The following ZFHX3 variants were observed in gnomAD, a reference collection of about 807,000 sequenced individuals.
ZFHX3 encodes zinc finger homeobox protein 3.
A neutral mutation model predicts 279.1 loss-of-function variants in ZFHX3; 42 were observed. The observed-to-expected ratio is 0.15, with a 90% CI of 0.12 to 0.19. The LOEUF is 0.19. ZFHX3 is among the 10% of genes least tolerant of loss of function. ZFHX3 has a pLI of 1.00. For missense variants in ZFHX3, 4,981 were observed against 4,754.0 expected (o/e 1.05, Z -1.40); for synonymous variants, 2,293 against 1,957.8 (o/e 1.17, Z -4.52).
At chr16:73,626,244 T>G (rs2052415374) in intron 2 of ZFHX3, among the ~76,000 whole-genome samples, 1 of 152,180 alleles carries the variant, frequency 6.6e-6, no homozygotes, top group Non-Finnish European at 1.5e-5. Flanking sequence ...CACTTTGTCT[T>G]GGGCAGGGAC....
chr16:73,176,235 A>C (rs574820992), intron 5 of ZFHX3, among the ~76,000 whole-genome samples: 2 of 152,178 alleles, frequency 1.3e-5, no homozygotes, highest in East Asian at 3.9e-4. Flanking sequence ...ATGACTAATG[A>C]CTCCTCATCT....
At chr16:73,065,810 A>T (rs1267320739) in intron 8 of ZFHX3, among the ~76,000 whole-genome samples, 1 of 152,226 alleles carries the variant, frequency 6.6e-6, no homozygotes, top group East Asian at 1.9e-4. Flanking sequence ...TTGAAAAAAA[A>T]TTCCAAAGAC....
upstream of ZFHX3, among the ~76,000 whole-genome samples, chr16:73,062,879 TG>T (rs1299883239): frequency 1.3e-5 from 2 of 152,242 alleles, no homozygotes; most frequent in African/African-American, 4.8e-5. Context: ...CTAAGTCTAT[TG>T]TATGTACGTG....
intron 2 of ZFHX3, among the ~76,000 whole-genome samples, chr16:73,645,273 T>G (rs2052608008): frequency 6.6e-6 from 1 of 152,228 alleles, no homozygotes; most frequent in South Asian, 2.1e-4. Context: ...TTATTTTTAT[T>G]GAGACGGAGT....
intron 7 of ZFHX3, among the ~76,000 whole-genome samples, chr16:72,811,318 G>C (rs1331938625): frequency 6.6e-6 from 1 of 152,176 alleles, no homozygotes; most frequent in Non-Finnish European, 1.5e-5. Flanking sequence ...TAAATGGTTA[G>C]CTAATCCATG....
chr16:73,509,765 G>T (rs57629363), intron 2 of ZFHX3, among the ~76,000 whole-genome samples: 43,490 of 144,410 alleles, frequency 0.3, 6,781 homozygotes, highest in Admixed American at 0.37. Context: ...GCGTGATCTC[G>T]GCTCACTGCA....
chr16:73,183,715 T>C (rs944268772), intron 5 of ZFHX3, among the ~76,000 whole-genome samples: 1 of 152,220 alleles, frequency 6.6e-6, no homozygotes, highest in African/African-American at 2.4e-5. Flanking sequence ...CTGACTGCTC[T>C]GCCCTCTGTG....
At chr16:73,024,156 C>G (rs1303201204) in intron 1 of ZFHX3, among the ~76,000 whole-genome samples, 1 of 152,180 alleles carries the variant, frequency 6.6e-6, no homozygotes, top group Non-Finnish European at 1.5e-5. Flanking sequence ...CCCCTCATCT[C>G]ACATCCACAC....
At chr16:73,522,004 C>G (rs142098004) in intron 2 of ZFHX3, among the ~76,000 whole-genome samples, 182 of 152,294 alleles carry the variant, frequency 1.2e-3, no homozygotes, top group Non-Finnish European at 5.0e-4. Context: ...AGCAAGTTTG[C>G]ATGGCAGCCT....
chr16:73,068,370 G>A (rs1201697504), intron 8 of ZFHX3, among the ~76,000 whole-genome samples: 1 of 152,212 alleles, frequency 6.6e-6, no homozygotes, highest in African/African-American at 2.4e-5. Flanking sequence ...ATTCCCGGAA[G>A]GGTGCTCTGG....
At chr16:73,381,845 G>C (rs2016822954) in intron 3 of ZFHX3, among the ~76,000 whole-genome samples, 1 of 152,164 alleles carries the variant, frequency 6.6e-6, no homozygotes, top group African/African-American at 2.4e-5. Flanking sequence ...TTTGTGACAG[G>C]CCGCATTCAA....
chr16:73,890,239 CCAA>C (rs1187299551), intron 1 of ZFHX3, among the ~76,000 whole-genome samples: 56 of 91,134 alleles, frequency 6.1e-4, no homozygotes, highest in African/African-American at 1.6e-3. Context: ...AAAAAAAAAA[CCAA>C]AAAAAAAAAA....
At chr16:73,016,611 T>C (rs774121566) in intron 1 of ZFHX3, among the ~76,000 whole-genome samples, 13 of 152,146 alleles carry the variant, frequency 8.5e-5, no homozygotes, top group Non-Finnish European at 1.5e-4. Flanking sequence ...ACCCCAGAAA[T>C]AGAATCCTGT....
intron 1 of ZFHX3, among the ~76,000 whole-genome samples, chr16:72,975,584 T>C (rs1962314814): frequency 6.6e-6 from 1 of 152,226 alleles, no homozygotes; most frequent in Non-Finnish European, 1.5e-5. Context: ...TTTGCACTGT[T>C]ACTTTTAATC....
At chr16:73,879,920 A>G (rs934101529) in intron 1 of ZFHX3, among the ~76,000 whole-genome samples, 1 of 152,154 alleles carries the variant, frequency 6.6e-6, no homozygotes, top group African/African-American at 2.4e-5. Flanking sequence ...CACCCTACTG[A>G]TAACAACTGT....
intron 3 of ZFHX3, among the ~76,000 whole-genome samples, chr16:72,904,031 C>T (rs1366632207): frequency 6.6e-6 from 1 of 152,172 alleles, no homozygotes; most frequent in East Asian, 1.9e-4. Flanking sequence ...GGGACCAAGT[C>T]GAATATTTCT....
chr16:73,296,877 A>ATTTTTT (rs201366558), intron 4 of ZFHX3, among the ~76,000 whole-genome samples: 4 of 116,068 alleles, frequency 3.4e-5, no homozygotes, highest in South Asian at 2.8e-4. Context: ...TGAAGCAGGA[A>ATTTTTT]TTTTTTTTTT....
intron 1 of ZFHX3, among the ~76,000 whole-genome samples, chr16:73,854,761 A>G (rs572386366): frequency 1.4e-5 from 2 of 140,756 alleles, no homozygotes; most frequent in South Asian, 4.8e-4. Flanking sequence ...AGATGAAACA[A>G]TTTTTATATT....
At chr16:72,951,011 T>C (rs370408296) in intron 2 of ZFHX3, 46 bp from the exon 3 acceptor site, 1 of 1,582,312 alleles carries the variant, frequency 6.3e-7, no homozygotes, top group South Asian at 1.2e-5. Flanking sequence ...AGGCTCATGG[T>C]CACGGCCACA....
Sources: allele counts gnomAD v4.1 joint callset (sites outside exome capture counted in the v4.1 genomes callset), GRCh38; gene constraint gnomAD v4.1.1; transcripts MANE v1.5; gene names NCBI Gene and HGNC (gene_info 2026-07-23, HGNC 2026-07-21).